Variants in ACAA2 observed in about 807,000 individuals in gnomAD.
The protein encoded by ACAA2 is 3-ketoacyl-CoA thiolase, mitochondrial.
A neutral mutation model predicts 44.8 loss-of-function variants in ACAA2; 35 were observed. The observed-to-expected ratio is 0.78, with a 90% CI of 0.60 to 1.04. The LOEUF is 1.04. Among genes scored for constraint, ACAA2 ranks in the 50% least tolerant of loss-of-function variants. The probability of loss-of-function intolerance (pLI) is 0.00; values close to 1 mark genes in which losing one functional copy is unlikely to be tolerated. For synonymous variants in ACAA2, 142 were observed against 166.5 expected (o/e 0.85, Z 1.13); for missense variants, 468 against 482.6 (o/e 0.97, Z 0.28).
At position 49,804,806 on chromosome 18, in the gene ACAA2, C is replaced by CA. The variant is rs1018584370; in HGVS notation, c.17-1954dup. On this transcript the variant is annotated intron_variant, in intron 1 of 9. Transcript: ENST00000285093. ...TTCCCAATCACCTACTACCATCTGC[C>CA]AAAAAAAAACTTGTGACTATACAAA... 5.2e-4 allele frequency among the ~76,000 whole-genome samples: 78 copies of CA among 150,524 alleles called. No individual in the cohort carries two copies. In the East Asian group the frequency reaches 0.011, roughly 21 times the overall value.
At chr18:49,795,970 A>T (rs1276539855) in intron 3 of ACAA2, 89 bp from the exon 4 acceptor site, 2 of 805,900 alleles carry the variant, frequency 2.5e-6, no homozygotes, top group Non-Finnish European at 4.1e-6. Context: ...ATTAATGGTA[A>T]ATCAAACAAA....
Position 49,795,900 on chromosome 18 carries a change from T to C in ACAA2, c.313-19A>G. ...AAATTTCCTATTTAAAAACAAACAG[T>C]AATAAAAACTCCTTTTACCGTACCC... On this transcript the variant is annotated intron_variant, in intron 3 of 9. Coordinates refer to ENST00000285093, the MANE Select transcript of ACAA2 (RefSeq NM_006111.3). The C allele has an allele frequency of 6.8e-7, 1 of 1,472,368 alleles. No homozygotes were observed. Among genetic ancestry groups the C allele is most frequent in the South Asian group, 1.2e-5 (1 of 85,344 alleles). 91.2% of individuals were successfully genotyped at this position (1,472,368 alleles called of 1,614,324 possible). A position where few individuals can be genotyped will look rare whatever the true frequency, so the allele number is the denominator to read the frequency against.
rs2259173 is a variant in ACAA2 at position 49,787,152 on chromosome 18, A to G, written c.954+139T>C. The G allele has an allele frequency of 1.3e-3, 734 of 586,316 alleles. 5 individuals carry two copies. In the African/African-American group the frequency reaches 0.013, roughly 11 times the overall value. 36.3% of individuals were successfully genotyped at this position (586,316 alleles called of 1,614,324 possible). ...AAGGCATCTAATGAAGGTACTATTT[A>G]TTTAGATGTACATCATTTGGAAAGG... On this transcript the variant is annotated intron_variant, in intron 8 of 9. Coordinates refer to ENST00000285093, the MANE Select transcript of ACAA2 (RefSeq NM_006111.3).
Position 49,785,213 on chromosome 18 carries a change from G to T in ACAA2, c.1093C>A (p.Leu365Met). The change falls in exon 9 of 10, where the codon CTG becomes ATG. Residue 365 changes from leucine (L) to methionine (M), a missense_variant. Physicochemically the swap from Leu to Met is conservative, Grantham distance 15. Coordinates refer to ENST00000285093, the MANE Select transcript of ACAA2 (RefSeq NM_006111.3). ...GGSGSRITAH[L>M]VHELRRRGGK... Reference sequence around the variant, plus strand: ...AGCAAATACCTTAATTCGTGAACCAGGTGTGCAGTAATTCTTGATCCAGAT... The same window carrying T: ...AGCAAATACCTTAATTCGTGAACCATGTGTGCAGTAATTCTTGATCCAGAT... The T allele has an allele frequency of 6.2e-7, 1 of 1,612,404 alleles. No homozygotes were observed. Among genetic ancestry groups the T allele is most frequent in the South Asian group, 1.1e-5 (1 of 90,834 alleles).
At chr18:49,813,221 AC>A (rs1432421298) in intron 1 of ACAA2, among the ~76,000 whole-genome samples, 1 of 152,242 alleles carries the variant, frequency 6.6e-6, no homozygotes, top group Non-Finnish European at 1.5e-5. Context: ...ATGCAAGCAA[AC>A]TTTGGTCTCA....
intron 2 of ACAA2, among the ~76,000 whole-genome samples, chr18:49,800,278 G>C (rs1176944691): frequency 1.9e-4 from 29 of 150,422 alleles, no homozygotes; most frequent in South Asian, 1.5e-3. Context: ...GAGGTGGGGG[G>C]GTCAGCCCCC....
rs141307346 is a variant in ACAA2 at position 49,802,701 on chromosome 18, C to G, written c.169G>C (p.Gly57Arg). The G allele has an allele frequency of 3.0e-4, 482 of 1,613,798 alleles. No individual in the cohort carries two copies. Among genetic ancestry groups the G allele is most frequent in the Non-Finnish European group, 3.9e-4 (456 of 1,179,944 alleles). Residue 57 changes from glycine (G) to arginine (R), a missense_variant, in exon 2 of 10, where the codon GGC becomes CGC. Coordinates refer to ENST00000285093, the MANE Select transcript of ACAA2 (RefSeq NM_006111.3). ...SPETVDSVIM[G>R]NVLQSSSDAI... is the part of the protein sequence containing the mutation. ...ACTCTACTAACCTGCAGGACATTGC[C>G]CATAATCACACTGTCAACTGTTTCA...
At chr18:49,796,358 GTT>G (rs2023464583) in intron 3 of ACAA2, among the ~76,000 whole-genome samples, 1 of 152,132 alleles carries the variant, frequency 6.6e-6, no homozygotes, top group Non-Finnish European at 1.5e-5. Flanking sequence ...ACTTTCCACT[GTT>G]TGCCTTTCTC....
At chr18:49,813,092 G>A (rs1019177563) in intron 1 of ACAA2, 1 of 189,692 alleles carries the variant, frequency 5.3e-6, no homozygotes, top group Middle Eastern at 1.9e-3. Flanking sequence ...GGGCTCCTGT[G>A]CGCAGCTGCC....
chr18:49,790,878 CTA>C (rs2143952941), intron 7 of ACAA2, among the ~76,000 whole-genome samples: 1 of 152,304 alleles, frequency 6.6e-6, no homozygotes, highest in African/African-American at 2.4e-5. Context: ...CTTCCTGAGA[CTA>C]TGCGTTTAAC....
chr18:49,784,056 T>G (rs1456635062), intron 9 of ACAA2, 125 bp from the exon 10 acceptor site: 2 of 774,710 alleles, frequency 2.6e-6, no homozygotes, highest in Non-Finnish European at 4.4e-6. Flanking sequence ...TTTTCCCCAG[T>G]CCTCAATTTT....
chr18:49,807,393 G>C (rs975789051), intron 1 of ACAA2, among the ~76,000 whole-genome samples: 17 of 151,702 alleles, frequency 1.1e-4, no homozygotes, highest in African/African-American at 3.6e-4. Context: ...CAAAAACAAA[G>C]AGATCATAGA....
At chr18:49,799,515 T>C (rs1355375047) in intron 2 of ACAA2, among the ~76,000 whole-genome samples, 2 of 152,226 alleles carry the variant, frequency 1.3e-5, no homozygotes, top group Non-Finnish European at 2.9e-5. Context: ...GTTCACTCAG[T>C]GCTCAATAGT....
chr18:49,787,993 C>T (rs2143948559), intron 7 of ACAA2, among the ~76,000 whole-genome samples: 1 of 152,262 alleles, frequency 6.6e-6, no homozygotes, highest in East Asian at 1.9e-4. Flanking sequence ...CGAGGCACTT[C>T]AGGGAAGGTT....
At chr18:49,813,433 C>T in intron 1 of ACAA2, 36 bp downstream of exon 1, 2 of 1,237,822 alleles carry the variant, frequency 1.6e-6, no homozygotes, top group Non-Finnish European at 2.0e-6. Flanking sequence ...GGCAGGACCC[C>T]GAGGGGCGAG....
At chr18:49,801,785 C>T (rs992264458) in intron 2 of ACAA2, among the ~76,000 whole-genome samples, 26 of 112,216 alleles carry the variant, frequency 2.3e-4, no homozygotes, top group South Asian at 3.3e-4. Context: ...AGAAACTGAT[C>T]ATATATATAT....
chr18:49,801,697 A>G (rs1162636047), intron 2 of ACAA2, among the ~76,000 whole-genome samples: 1 of 150,678 alleles, frequency 6.6e-6, no homozygotes, highest in Non-Finnish European at 1.5e-5. Context: ...TTTAGCAATG[A>G]TCACATCATT....
At chr18:49,797,940 A>G (rs1383457177) in intron 2 of ACAA2, among the ~76,000 whole-genome samples, 1 of 152,228 alleles carries the variant, frequency 6.6e-6, no homozygotes, top group East Asian at 1.9e-4. Context: ...TATATTAAAG[A>G]TAATTGCTAC....
intron 9 of ACAA2, 111 bp from the exon 10 acceptor site, chr18:49,784,042 A>ATCACATCTGC: frequency 1.2e-6 from 1 of 853,182 alleles, no homozygotes; most frequent in Non-Finnish European, 1.9e-6. Flanking sequence ...TCATCTGCTC[A>ATCACATCTGC]ATCTTTTCCC....
Sources: gnomAD v4.1 joint callset for allele counts (sites outside exome capture counted in the v4.1 genomes callset) on GRCh38, gnomAD v4.1.1 for gene constraint, MANE v1.5 for transcripts, NCBI Gene and HGNC (gene_info 2026-07-23, HGNC 2026-07-21) for gene names.